Variants in SV2C observed in about 807,000 individuals in gnomAD.
SV2C encodes the protein synaptic vesicle glycoprotein 2C, also known as solute carrier family 22 member B3.
SV2C carries 49 observed loss-of-function variants against 79.7 expected under a neutral mutation model. The observed-to-expected ratio is 0.61, with a 90% CI of 0.49 to 0.78. The LOEUF is 0.78. Among genes scored for constraint, SV2C ranks in the 30% least tolerant of loss-of-function variants. SV2C has a pLI of 0.00. For synonymous variants in SV2C, 334 were observed against 333.2 expected, an observed-to-expected ratio of 1.00 and a Z score of -0.03; for missense variants, 833 against 912.9, an observed-to-expected ratio of 0.91 and a Z score of 1.13.
chr5:76,204,372 A>C, intron 3 of SV2C, among the ~76,000 whole-genome samples: 1 of 152,218 alleles, frequency 6.6e-6, no homozygotes, highest in East Asian at 1.9e-4. Flanking sequence ...CTTGTCTTAT[A>C]AAAGCTGCCA....
intron 9 of SV2C, 186 bp downstream of exon 9, chr5:76,296,128 T>G (rs1372644504): frequency 2.2e-6 from 1 of 446,310 alleles, no homozygotes; most frequent in African/African-American, 2.0e-5. Context: ...ATGTATCCAT[T>G]ACTTCACTTA....
At chr5:76,346,770 G>A (rs575036961) in intron 12 of SV2C, among the ~76,000 whole-genome samples, 25 of 152,290 alleles carry the variant, frequency 1.6e-4, no homozygotes, top group Admixed American at 8.5e-4. Flanking sequence ...GGATGAAACC[G>A]ACTCCTCAAC....
At chr5:76,093,650 C>T (rs569882628) in intron 1 of SV2C, among the ~76,000 whole-genome samples, 1 of 152,326 alleles carries the variant, frequency 6.6e-6, no homozygotes, top group African/African-American at 2.4e-5. Flanking sequence ...AACAAACTGA[C>T]TTCCAGACTG....
chr5:76,048,825 A>C, the SV2C span, among the ~76,000 whole-genome samples: 1 of 85,024 alleles, frequency 1.2e-5, no homozygotes, highest in Non-Finnish European at 2.3e-5. Flanking sequence ...AAAAAAAAAA[A>C]ATTTTGGGGC....
chr5:75,875,134 G>T, the SV2C span, among the ~76,000 whole-genome samples: 1 of 152,082 alleles, frequency 6.6e-6, no homozygotes, highest in East Asian at 1.9e-4. Flanking sequence ...GCAATCCTAC[G>T]CAAAAAGAAC....
At chr5:75,891,067 T>C in the SV2C span, among the ~76,000 whole-genome samples, 1 of 152,128 alleles carries the variant, frequency 6.6e-6, no homozygotes, top group Admixed American at 6.6e-5. Flanking sequence ...ACCATGTAGT[T>C]GACTGAATGT....
chr5:76,132,404 TA>T (rs1748932409), intron 2 of SV2C, 74 bp downstream of exon 2: 1 of 1,408,266 alleles, frequency 7.1e-7, no homozygotes. Flanking sequence ...ACATAGAGAA[TA>T]AATACTTTTC....
intron 4 of SV2C, among the ~76,000 whole-genome samples, chr5:76,235,741 T>C (rs35693662): frequency 0.12 from 17,860 of 152,120 alleles, 3,055 homozygotes; most frequent in African/African-American, 0.38. Context: ...TTTTCAGATC[T>C]AGAGAAAAAC....
chr5:75,907,007 CAT>C, the SV2C span, among the ~76,000 whole-genome samples: 4 of 152,212 alleles, frequency 2.6e-5, no homozygotes, highest in Admixed American at 2.6e-4. Context: ...TGTCTTAGAA[CAT>C]CTCTCCTGAA....
chr5:76,165,118 G>C (rs763356934), intron 2 of SV2C, among the ~76,000 whole-genome samples: 1 of 151,894 alleles, frequency 6.6e-6, no homozygotes, highest in African/African-American at 2.4e-5. Context: ...AGTCTTGACT[G>C]TGTGTGTGTG....
Position 76,131,695 on chromosome 5 carries a change from CTGAAAGGAGGCTG to C in SV2C, c.-50_-38del. On this transcript the variant is annotated 5_prime_UTR_variant, in exon 2 of 13. Coordinates refer to ENST00000502798, the MANE Select transcript of SV2C (RefSeq NM_014979.4). ...GGATGATGCTGTCAGAGCTGAACCA[CTGAAAGGAGGCTG>C]TGAAAATTTCCCATCTTCTCATTGG... 6.7e-7 allele frequency: 1 copy of C among 1,498,848 alleles called. No homozygotes were observed. Among genetic ancestry groups the C allele is most frequent in the Non-Finnish European group, 9.0e-7 (1 of 1,106,580 alleles). The allele number at this position is 1,498,848 out of a possible 1,614,324, so 92.8% of individuals were successfully genotyped here.
At chr5:76,132,695 G>A (rs770314566) in intron 2 of SV2C, among the ~76,000 whole-genome samples, 13 of 152,068 alleles carry the variant, frequency 8.5e-5, no homozygotes, top group Admixed American at 2.0e-4. Context: ...AGTTAATAAT[G>A]CTGTTATATT....
chr5:76,338,659 CTTT>C (rs60550344), downstream of SV2C, among the ~76,000 whole-genome samples: 12 of 119,540 alleles, frequency 1.0e-4, no homozygotes, highest in Non-Finnish European at 8.7e-5. Flanking sequence ...TTTTCTTTTT[CTTT>C]TTTTTTTTTT....
chr5:76,051,136 G>T, the SV2C span, among the ~76,000 whole-genome samples: 4 of 152,096 alleles, frequency 2.6e-5, no homozygotes, highest in African/African-American at 9.7e-5. Flanking sequence ...GACCTTAATA[G>T]TCTGTGAGTA....
the SV2C span, among the ~76,000 whole-genome samples, chr5:75,892,313 G>A: frequency 2.0e-5 from 3 of 151,734 alleles, no homozygotes; most frequent in African/African-American, 4.8e-5. Context: ...ACATGTATAC[G>A]ATGTGCAGTG....
At chr5:75,876,429 G>C in the SV2C span, among the ~76,000 whole-genome samples, 13 of 152,060 alleles carry the variant, frequency 8.5e-5, no homozygotes, top group Admixed American at 8.5e-4. Context: ...AGGGGGTAGG[G>C]TGGGAAGAGA....
the SV2C span, among the ~76,000 whole-genome samples, chr5:76,064,662 C>A: frequency 6.6e-6 from 1 of 152,102 alleles, no homozygotes; most frequent in Non-Finnish European, 1.5e-5. Flanking sequence ...AGGGCCCCAT[C>A]GTTTTCCTTC....
chr5:76,122,673 A>G (rs1286854362), intron 1 of SV2C, among the ~76,000 whole-genome samples: 9 of 152,012 alleles, frequency 5.9e-5, no homozygotes, highest in African/African-American at 2.2e-4. Context: ...CTTTGAAACC[A>G]ACGAGAACAA....
chr5:75,858,598 A>G, the SV2C span, among the ~76,000 whole-genome samples: 9 of 152,206 alleles, frequency 5.9e-5, no homozygotes, highest in Non-Finnish European at 8.8e-5. Flanking sequence ...TTTGGTATCA[A>G]GGTAATACTC....
Sources: allele counts gnomAD v4.1 joint callset (sites outside exome capture counted in the v4.1 genomes callset), GRCh38; gene constraint gnomAD v4.1.1; transcripts MANE v1.5; gene names NCBI Gene and HGNC (gene_info 2026-07-23, HGNC 2026-07-21).